Variants in SLC35F1 observed in about 807,000 individuals in gnomAD.
SLC35F1 encodes solute carrier family 35 member F1.
Under a neutral mutation model 48.7 loss-of-function variants are expected in SLC35F1, and 14 were observed. That is an observed-to-expected ratio of 0.29 (90% confidence interval 0.19 to 0.45). The LOEUF is 0.45. Ranked by LOEUF, SLC35F1 falls within the 20% of genes least tolerant of loss-of-function variation. The pLI, the probability that SLC35F1 is intolerant of heterozygous loss-of-function variation, is 1.00. For missense variants in SLC35F1, 404 were observed against 500.0 expected (o/e 0.81, Z 1.83); for synonymous variants, 190 against 202.2 (o/e 0.94, Z 0.51).
chr6:117,954,248 G>GC (rs1554218713), intron 1 of SLC35F1, among the ~76,000 whole-genome samples: 1 of 151,690 alleles, frequency 6.6e-6, no homozygotes, highest in African/African-American at 2.4e-5. Flanking sequence ...ACAAGAGTTT[G>GC]TTTTTTTTCT....
At chr6:117,933,194 A>G (rs1776123171) in intron 1 of SLC35F1, among the ~76,000 whole-genome samples, 1 of 152,210 alleles carries the variant, frequency 6.6e-6, no homozygotes, top group Admixed American at 6.5e-5. Flanking sequence ...TTGGACATGC[A>G]TACATTGTCT....
chr6:118,033,015 T>C (rs1772076605), intron 1 of SLC35F1, among the ~76,000 whole-genome samples: 2 of 152,152 alleles, frequency 1.3e-5, no homozygotes. Context: ...TTTGATGACA[T>C]CTTTTCTTCA....
At chr6:118,138,520 T>C (rs1425684185) in intron 1 of SLC35F1, among the ~76,000 whole-genome samples, 4 of 152,194 alleles carry the variant, frequency 2.6e-5, no homozygotes, top group Non-Finnish European at 5.9e-5. Context: ...CAAGGCACTA[T>C]ATCAGCAACC....
chr6:118,048,433 G>A (rs1582637794), intron 1 of SLC35F1, among the ~76,000 whole-genome samples: 1 of 152,092 alleles, frequency 6.6e-6, no homozygotes, highest in South Asian at 2.1e-4. Flanking sequence ...GTCCCTGTTT[G>A]CAGATGACAT....
At chr6:118,003,330 T>G (rs994805192) in intron 1 of SLC35F1, among the ~76,000 whole-genome samples, 3 of 152,248 alleles carry the variant, frequency 2.0e-5, no homozygotes, top group Non-Finnish European at 4.4e-5. Flanking sequence ...TATGAGATTC[T>G]ATAAACATAG....
intron 1 of SLC35F1, among the ~76,000 whole-genome samples, chr6:118,005,781 A>T (rs1244792673): frequency 6.6e-6 from 1 of 152,050 alleles, no homozygotes; most frequent in African/African-American, 2.4e-5. Flanking sequence ...CAATTACCTG[A>T]CCCACCGTCT....
chr6:118,213,634 G>A (rs891642583), intron 2 of SLC35F1, among the ~76,000 whole-genome samples: 5 of 152,128 alleles, frequency 3.3e-5, no homozygotes, highest in African/African-American at 1.2e-4. Flanking sequence ...ATTAAAAAAC[G>A]AGGCAGACTT....
intron 2 of SLC35F1, among the ~76,000 whole-genome samples, chr6:118,191,705 A>C (rs1275161914): frequency 6.6e-6 from 1 of 152,200 alleles, no homozygotes; most frequent in Non-Finnish European, 1.5e-5. Flanking sequence ...ACCTTTCTTT[A>C]CCTGGTGAAA....
intron 1 of SLC35F1, among the ~76,000 whole-genome samples, chr6:118,071,556 TTTATC>T (rs1406814439): frequency 6.6e-6 from 1 of 151,986 alleles, no homozygotes; most frequent in East Asian, 1.9e-4. Flanking sequence ...TCATGACTCT[TTTATC>T]TTTCTTTTCC....
chr6:118,159,247 A>AAAAAT (rs1774191640), intron 2 of SLC35F1, among the ~76,000 whole-genome samples: 3 of 146,628 alleles, frequency 2.0e-5, no homozygotes, highest in African/African-American at 5.0e-5. Flanking sequence ...AAAAAAAAAA[A>AAAAAT]GTGCTTACTG....
chr6:118,050,453 A>G (rs187807313), intron 1 of SLC35F1, among the ~76,000 whole-genome samples: 15 of 152,208 alleles, frequency 9.9e-5, no homozygotes, highest in Admixed American at 4.6e-4. Flanking sequence ...ACAGAATAGC[A>G]GAGAGAATGA....
At chr6:118,244,554 C>T (rs1562337628) in intron 3 of SLC35F1, among the ~76,000 whole-genome samples, 1 of 152,166 alleles carries the variant, frequency 6.6e-6, no homozygotes, top group Non-Finnish European at 1.5e-5. Context: ...GGACGTATCT[C>T]TCACCCTTTC....
At chr6:118,141,471 C>T (rs1773888550) in intron 1 of SLC35F1, among the ~76,000 whole-genome samples, 1 of 152,122 alleles carries the variant, frequency 6.6e-6, no homozygotes, top group African/African-American at 2.4e-5. Flanking sequence ...GTACCATAGA[C>T]TGGGTGGCTT....
chr6:118,063,146 T>A (rs1396765458), intron 1 of SLC35F1, among the ~76,000 whole-genome samples: 1 of 152,154 alleles, frequency 6.6e-6, no homozygotes, highest in Admixed American at 6.5e-5. Flanking sequence ...GATTTACTGG[T>A]TTATCTTATA....
At chr6:118,066,145 A>G (rs1290541394) in intron 1 of SLC35F1, among the ~76,000 whole-genome samples, 1 of 152,240 alleles carries the variant, frequency 6.6e-6, no homozygotes, top group Non-Finnish European at 1.5e-5. Flanking sequence ...CAAATAATAC[A>G]TATTATTTAA....
At position 118,235,604 on chromosome 6, in the gene SLC35F1, G is replaced by T; in HGVS notation, c.445G>T (p.Ala149Ser). 1 of 1,613,354 alleles carries T rather than the reference G, an allele frequency of 6.2e-7. No homozygotes were observed. The highest frequency in any genetic ancestry group is 8.5e-7 in the Non-Finnish European group (1 of 1,179,598). The change falls in exon 3 of 8, where the codon GCT (alanine) becomes TCT (serine). Residue 149 changes from alanine (A) to serine (S), a missense_variant. Around this residue, in one of 2 missense-constraint regions of SLC35F1, gnomAD observed 306 missense variants for 419.1 expected, o/e 0.73. Transcript: ENST00000360388. ...GGAAGCAAATTATCTGGTGGTCAAG[G>T]CTTACCAATACACAACTCTGACCAG... ...DLEANYLVVK[A>S]YQYTTLTSIQ...
At chr6:118,237,343 A>T (rs868043996) in intron 3 of SLC35F1, among the ~76,000 whole-genome samples, 44 of 151,918 alleles carry the variant, frequency 2.9e-4, no homozygotes, top group African/African-American at 1.1e-3. Flanking sequence ...ACACACACAC[A>T]CACACACACA....
intron 2 of SLC35F1, among the ~76,000 whole-genome samples, chr6:118,203,419 T>A (rs1340347326): frequency 2.6e-5 from 4 of 152,210 alleles, no homozygotes; most frequent in African/African-American, 9.7e-5. Context: ...GATGTTACAA[T>A]CTGAGGGCCA....
chr6:118,051,950 A>G (rs1158034523), intron 1 of SLC35F1, among the ~76,000 whole-genome samples: 1 of 152,144 alleles, frequency 6.6e-6, no homozygotes, highest in East Asian at 1.9e-4. Context: ...TTATAAGACC[A>G]AGCCCTAATG....
Sources: gnomAD v4.1 joint callset for allele counts (sites outside exome capture counted in the v4.1 genomes callset) on GRCh38, gnomAD v4.1.1 for gene constraint, gnomAD v4.1.1 regional missense constraint, MANE v1.5 for transcripts, NCBI Gene and HGNC (gene_info 2026-07-23, HGNC 2026-07-21) for gene names.